METTL15: variants seen among roughly 807,000 people sequenced by gnomAD.
METTL15 encodes methyltransferase 15, mitochondrial 12S rRNA N4-cytidine.
A neutral mutation model predicts 38.3 loss-of-function variants in METTL15; 34 were observed. The ratio of observed to expected loss-of-function variants is 0.89; its 90% CI spans 0.68 to 1.18. The LOEUF (loss-of-function observed/expected upper bound fraction) is 1.18. Among genes scored for constraint, METTL15 ranks in the 50% most tolerant of loss-of-function variants. METTL15 has a pLI of 0.00. For synonymous variants in METTL15, 162 were observed against 170.9 expected (o/e 0.95, Z 0.41); for missense variants, 438 against 498.4 (o/e 0.88, Z 1.15).
intron 1 of METTL15, among the ~76,000 whole-genome samples, 176 bp from the exon 2 acceptor site, chr11:28,109,990 A>C (rs995022397): frequency 1.3e-5 from 2 of 152,272 alleles, no homozygotes; most frequent in African/African-American, 4.8e-5. Context: ...AAATTGGAGT[A>C]TAACTGCTGT....
At chr11:28,425,634 G>C (rs764485946) in intron 6 of METTL15, among the ~76,000 whole-genome samples, 3 of 152,064 alleles carry the variant, frequency 2.0e-5, no homozygotes, top group Admixed American at 6.6e-5. Flanking sequence ...CCCGTACTAA[G>C]TGCTCTCATA....
chr11:28,392,177 AG>A (rs1343292054), intron 5 of METTL15, among the ~76,000 whole-genome samples: 2 of 152,216 alleles, frequency 1.3e-5, no homozygotes, highest in Admixed American at 1.3e-4. Context: ...ACTTCTCAAA[AG>A]AAGACATTTA....
chr11:28,197,053 C>T (rs1565158011), intron 3 of METTL15, among the ~76,000 whole-genome samples: 2 of 151,654 alleles, frequency 1.3e-5, no homozygotes, highest in Non-Finnish European at 3.0e-5. Flanking sequence ...TTTAAAAAAT[C>T]ATCTGTTAAG....
intron 6 of METTL15, among the ~76,000 whole-genome samples, chr11:28,430,664 ACCCC>A (rs1850914641): frequency 1.6e-5 from 1 of 63,876 alleles, no homozygotes; most frequent in African/African-American, 6.2e-5. Context: ...CTGCCCGGCC[ACCCC>A]TACTGGGAAG....
chr11:28,294,381 A>G (rs1318987584), intron 5 of METTL15, among the ~76,000 whole-genome samples: 1 of 152,170 alleles, frequency 6.6e-6, no homozygotes, highest in East Asian at 1.9e-4. Context: ...CTGAAAGGAG[A>G]TGTATCCCTG....
At chr11:28,192,473 G>T (rs998339425) in intron 3 of METTL15, among the ~76,000 whole-genome samples, 5 of 151,144 alleles carry the variant, frequency 3.3e-5, no homozygotes, top group Admixed American at 6.6e-5. Flanking sequence ...TTCTGTGAAG[G>T]TTATTGATCT....
chr11:28,373,031 G>C lies in METTL15; in HGVS notation c.*358+10995G>C, dbSNP rs190651587. Among the ~76,000 whole-genome samples, 517 of 151,948 alleles carry C rather than the reference G, an allele frequency of 3.4e-3. 6 individuals are homozygous for C. Among genetic ancestry groups the C allele is most frequent in the African/African-American group, 0.012 (484 of 41,446 alleles). Reference sequence around the variant, plus strand: ...ATCCAGTCTATCATTATTGGACATTGGGGTTGGTTCCAAGTCTTTGCTATT... The same window carrying C: ...ATCCAGTCTATCATTATTGGACATTCGGGTTGGTTCCAAGTCTTTGCTATT... On this transcript the variant is annotated intron_variant and NMD_transcript_variant, in intron 5 of 7. Coordinates refer to the METTL15 transcript ENST00000532947.
chr11:28,385,298 G>A (rs912731282), intron 5 of METTL15, among the ~76,000 whole-genome samples: 1 of 152,006 alleles, frequency 6.6e-6, no homozygotes. Flanking sequence ...AGTCCTTAAT[G>A]CATCTTGAGT....
chr11:28,429,818 A>C, intron 6 of METTL15, among the ~76,000 whole-genome samples: 1 of 37,874 alleles, frequency 2.6e-5, no homozygotes, highest in Non-Finnish European at 4.9e-5. Context: ...CTGGCCGCCC[A>C]TCGTCTGGGA....
intron 3 of METTL15, among the ~76,000 whole-genome samples, chr11:28,171,232 A>G (rs763600621): frequency 2.6e-5 from 4 of 152,168 alleles, no homozygotes. Flanking sequence ...TAAATAATGC[A>G]TGGTAGTTGA....
At chr11:28,238,329 C>T in intron 4 of METTL15, among the ~76,000 whole-genome samples, 1 of 152,180 alleles carries the variant, frequency 6.6e-6, no homozygotes, top group East Asian at 1.9e-4. Context: ...CCTCCCCCAG[C>T]CTGGCTGCCG....
chr11:28,518,009 G>A (rs891134009), intron 6 of METTL15, among the ~76,000 whole-genome samples: 4 of 152,184 alleles, frequency 2.6e-5, no homozygotes, highest in African/African-American at 4.8e-5. Flanking sequence ...TTAGTGCTGG[G>A]TTCAAAAGCA....
At chr11:28,218,420 C>T (rs1379916371) in intron 4 of METTL15, among the ~76,000 whole-genome samples, 2 of 152,126 alleles carry the variant, frequency 1.3e-5, no homozygotes, top group East Asian at 3.9e-4. Flanking sequence ...TATCCTGAGA[C>T]TTTGCTGAAG....
At chr11:28,420,056 A>T (rs923039605) in intron 5 of METTL15, among the ~76,000 whole-genome samples, 7 of 152,148 alleles carry the variant, frequency 4.6e-5, no homozygotes, top group African/African-American at 1.7e-4. Context: ...TAAATCTAAG[A>T]GTTATTGGCC....
chr11:28,294,670 C>G (rs1856663368), intron 5 of METTL15, among the ~76,000 whole-genome samples: 1 of 152,040 alleles, frequency 6.6e-6, no homozygotes, highest in South Asian at 2.1e-4. Flanking sequence ...CTGACAAGAT[C>G]AAATCTATTA....
At chr11:28,220,413 G>A (rs1301352847) in intron 4 of METTL15, among the ~76,000 whole-genome samples, 1 of 151,992 alleles carries the variant, frequency 6.6e-6, no homozygotes, top group Non-Finnish European at 1.5e-5. Flanking sequence ...CCATTTGCTT[G>A]GTAGATCTTC....
At chr11:28,193,785 T>C (rs540335140) in intron 3 of METTL15, among the ~76,000 whole-genome samples, 2 of 152,288 alleles carry the variant, frequency 1.3e-5, no homozygotes, top group African/African-American at 2.4e-5. Flanking sequence ...TGTTCAAGTT[T>C]TTATGTTTCA....
intron 3 of METTL15, among the ~76,000 whole-genome samples, chr11:28,135,236 T>C (rs1849476892): frequency 6.6e-6 from 1 of 152,202 alleles, no homozygotes; most frequent in Non-Finnish European, 1.5e-5. Flanking sequence ...CAAAATAAAC[T>C]TTAGTCCTAT....
intron 4 of METTL15, among the ~76,000 whole-genome samples, chr11:28,273,528 A>G (rs1855727389): frequency 6.6e-6 from 1 of 152,090 alleles, no homozygotes; most frequent in Non-Finnish European, 1.5e-5. Flanking sequence ...ATTTTTGTGC[A>G]CCTAGAGCTG....
Sources: gnomAD v4.1 joint callset for allele counts (sites outside exome capture counted in the v4.1 genomes callset) on GRCh38, gnomAD v4.1.1 for gene constraint, MANE v1.5 for transcripts, NCBI Gene and HGNC (gene_info 2026-07-23, HGNC 2026-07-21) for gene names.